SLC28A3: variants seen among roughly 807,000 people sequenced by gnomAD.
The protein encoded by SLC28A3 is solute carrier family 28 member 3.
SLC28A3 carries 68 observed loss-of-function variants against 84.2 expected under a neutral mutation model. The ratio of observed to expected loss-of-function variants is 0.81; its 90% CI spans 0.66 to 0.99. The LOEUF (loss-of-function observed/expected upper bound fraction) is 0.99, where lower values mean the gene tolerates loss of function less well. SLC28A3 is among the 50% of genes least tolerant of loss of function. The pLI is 0.00. For synonymous variants in SLC28A3, 267 were observed against 303.6 expected (o/e 0.88, Z 1.25); for missense variants, 712 against 841.5 (o/e 0.85, Z 1.90).
the SLC28A3 span, among the ~76,000 whole-genome samples, chr9:84,356,929 G>A: frequency 6.6e-6 from 1 of 152,146 alleles, no homozygotes; most frequent in Non-Finnish European, 1.5e-5. Context: ...GTGAACAAAT[G>A]TTTGTTTACT....
intron 14 of SLC28A3, among the ~76,000 whole-genome samples, chr9:84,283,233 A>C (rs990538297): frequency 1.3e-5 from 2 of 152,278 alleles, no homozygotes; most frequent in Non-Finnish European, 2.9e-5. Context: ...AATGTGCAAG[A>C]TGATGTGATG....
Position 84,309,679 on chromosome 9 carries a change from T to C in SLC28A3, c.192A>G (p.Pro64=), listed in dbSNP as rs767181737. ...CATCCTCCATGTGTTCTCTGTTTCT[T>C]GGAGAATCCTGCTCAACTGTGACCT... ...EEQVTVEQDS[P]RNREHMEDDD... is the part of the protein sequence containing the mutation. Residue 64 remains proline, a synonymous_variant, in exon 3 of 18, where the codon CCA becomes CCG. Coordinates refer to ENST00000376238, the MANE Select transcript of SLC28A3 (RefSeq NM_001199633.2). The C allele has an allele frequency of 6.2e-7, 1 of 1,614,052 alleles. No homozygotes were observed. The highest frequency in any genetic ancestry group is 8.5e-7 in the Non-Finnish European group (1 of 1,180,000).
chr9:84,324,414 T>C (rs7046305), intron 1 of SLC28A3, among the ~76,000 whole-genome samples: 102,894 of 152,024 alleles, frequency 0.68, 35,533 homozygotes, highest in Middle Eastern at 0.78. Flanking sequence ...GGGGCTAAGG[T>C]AGGTGGATTG....
At chr9:84,295,727 A>G (rs1825390176) in intron 8 of SLC28A3, among the ~76,000 whole-genome samples, 1 of 152,088 alleles carries the variant, frequency 6.6e-6, no homozygotes, top group Admixed American at 6.5e-5. Context: ...ATAGACCACA[A>G]AGAGCTGTGG....
chr9:84,294,252 G>A lies in SLC28A3; in HGVS notation c.885C>T (p.Phe295=). 6.2e-7 allele frequency: 1 copy of A among 1,614,132 alleles called. No individual in the cohort carries two copies. Among genetic ancestry groups the A allele is most frequent in the Non-Finnish European group, 8.5e-7 (1 of 1,179,976 alleles). Residue 295 remains phenylalanine (F), a synonymous_variant, in exon 9 of 18, where the codon TTC becomes TTT. Transcript: ENST00000376238. The part of the protein sequence containing the change: ...AFKVLPIVVF[F]STVMSMLYYL... ...AGTACAGCATGGACATCACAGTGCT[G>A]AAGAAAACCACGATCGGCAGGACCT...
Position 84,326,675 on chromosome 9 carries a change from CAACAACA to C in SLC28A3, c.61-13228_61-13222del, listed in dbSNP as rs1564174579. ...ACAACAACAACAACAACAACAACAA[CAACAACA>C]ACCAGGTCTTACTCTCTGTTCAATC... On this transcript the variant is annotated intron_variant, in intron 1 of 17. Transcript: ENST00000376238. Among the ~76,000 whole-genome samples the C allele has an allele frequency of 1.2e-3, 138 of 118,864 alleles. 1 individual carries two copies. Among genetic ancestry groups the C allele is most frequent in the African/African-American group, 3.9e-3 (135 of 34,826 alleles). The allele number at this position is 118,864 out of a possible 152,430, so 78.0% of individuals were successfully genotyped here.
At position 84,326,823 on chromosome 9, in the gene SLC28A3, C is replaced by T. The variant is rs148167520; in HGVS notation, c.61-13369G>A. ...GAGTTTGAGACCAGCCTGGCCAACA[C>T]GGTGAAATCCCATCTCAACTAAAAA... On this transcript the variant is annotated intron_variant, in intron 1 of 17. Coordinates refer to ENST00000376238, the MANE Select transcript of SLC28A3 (RefSeq NM_001199633.2). 2.5e-3 allele frequency among the ~76,000 whole-genome samples: 387 copies of T among 152,006 alleles called. 3 individuals carry two copies. The highest frequency in any genetic ancestry group is 9.1e-3 in the African/African-American group (379 of 41,470).
At chr9:84,282,858 T>C (rs1416520524) in intron 14 of SLC28A3, among the ~76,000 whole-genome samples, 1 of 152,250 alleles carries the variant, frequency 6.6e-6, no homozygotes, top group Non-Finnish European at 1.5e-5. Flanking sequence ...AAGATTTTTG[T>C]TGATTCCAAG....
chr9:84,348,211 G>A, the SLC28A3 span, among the ~76,000 whole-genome samples: 19 of 152,078 alleles, frequency 1.2e-4, no homozygotes, highest in Non-Finnish European at 1.8e-4. Flanking sequence ...GGTTCAGGCC[G>A]GACATGGTGG....
chr9:84,345,168 G>C (rs1827228415), upstream of SLC28A3, among the ~76,000 whole-genome samples: 1 of 151,696 alleles, frequency 6.6e-6, no homozygotes, highest in Admixed American at 6.6e-5. Context: ...GATGAGACTT[G>C]GGGATTTTCA....
chr9:84,291,315 A>G (rs1825210868), intron 10 of SLC28A3, among the ~76,000 whole-genome samples: 3 of 152,156 alleles, frequency 2.0e-5, no homozygotes, highest in East Asian at 3.9e-4. Context: ...TCTAAAGACT[A>G]TGCTCCAGGC....
At chr9:84,295,992 G>T (rs1047702138) in intron 8 of SLC28A3, among the ~76,000 whole-genome samples, 26 of 152,318 alleles carry the variant, frequency 1.7e-4, no homozygotes, top group African/African-American at 5.8e-4. Flanking sequence ...GAGTTAAAGA[G>T]GCTCATCTCT....
the SLC28A3 span, among the ~76,000 whole-genome samples, chr9:84,357,104 A>C: frequency 6.6e-6 from 1 of 152,118 alleles, no homozygotes; most frequent in South Asian, 2.1e-4. Context: ...AAGGCCGGGA[A>C]CTTTGTTTTA....
intron 1 of SLC28A3, among the ~76,000 whole-genome samples, chr9:84,317,702 C>T (rs936229215): frequency 1.3e-5 from 2 of 152,170 alleles, no homozygotes; most frequent in African/African-American, 4.8e-5. Context: ...TGCACTCATT[C>T]AGTGGTCTTG....
At chr9:84,309,490 TC>T in intron 3 of SLC28A3, 138 bp downstream of exon 3, 1 of 616,688 alleles carries the variant, frequency 1.6e-6, no homozygotes, top group Non-Finnish European at 2.6e-6. Context: ...ATCACTGCAC[TC>T]CAGCCTGGGT....
chr9:84,348,353 C>CAAA, the SLC28A3 span, among the ~76,000 whole-genome samples: 5 of 105,486 alleles, frequency 4.7e-5, no homozygotes, highest in African/African-American at 1.4e-4. Context: ...GACTCCGTCT[C>CAAA]AAAAAAAAAA....
At chr9:84,348,353 CA>C in the SLC28A3 span, among the ~76,000 whole-genome samples, 80,634 of 105,376 alleles carry the variant, frequency 0.77, 29,682 homozygotes, top group Middle Eastern at 0.82. Context: ...GACTCCGTCT[CA>C]AAAAAAAAAA....
intron 1 of SLC28A3, among the ~76,000 whole-genome samples, chr9:84,314,093 C>T (rs540873560): frequency 9.2e-5 from 14 of 152,216 alleles, no homozygotes; most frequent in African/African-American, 1.4e-4. Flanking sequence ...TGAACTAAAA[C>T]GTGGTAAACC....
At chr9:84,296,936 C>T (rs1352428284) in intron 8 of SLC28A3, among the ~76,000 whole-genome samples, 1 of 152,184 alleles carries the variant, frequency 6.6e-6, no homozygotes, top group Non-Finnish European at 1.5e-5. Flanking sequence ...TTTGATTTTT[C>T]CTAAGTATCT....
Sources: gnomAD v4.1 joint callset for allele counts (sites outside exome capture counted in the v4.1 genomes callset) on GRCh38, gnomAD v4.1.1 for gene constraint, MANE v1.5 for transcripts, NCBI Gene and HGNC (gene_info 2026-07-23, HGNC 2026-07-21) for gene names.